Variants in CTNNA2 observed in about 807,000 individuals in gnomAD.
The protein encoded by CTNNA2 is catenin alpha 2.
A neutral mutation model predicts 101.0 loss-of-function variants in CTNNA2; 42 were observed. The observed-to-expected ratio is 0.42, with a 90% CI of 0.32 to 0.54. The LOEUF is 0.54. Ranked by LOEUF, CTNNA2 falls within the 20% of genes least tolerant of loss-of-function variation. The probability of loss-of-function intolerance (pLI) is 0.14; values close to 1 mark genes in which losing one functional copy is unlikely to be tolerated. For synonymous variants in CTNNA2, 450 were observed against 456.4 expected, an observed-to-expected ratio of 0.99 and a Z score of 0.18; for missense variants, 871 against 1,223.1, an observed-to-expected ratio of 0.71 and a Z score of 4.29.
At chr2:80,122,981 A>G (rs1314882806) in intron 7 of CTNNA2, among the ~76,000 whole-genome samples, 1 of 152,166 alleles carries the variant, frequency 6.6e-6, no homozygotes, top group East Asian at 1.9e-4. Context: ...AAAACTCATC[A>G]GCTTCAAATG....
At position 79,631,304 on chromosome 2, in the gene CTNNA2, G is replaced by T. The variant is rs530120821; in HGVS notation, c.-5-20248G>T. On this transcript the variant is annotated intron_variant, in intron 1 of 18. Coordinates refer to ENST00000402739, the MANE Select transcript of CTNNA2 (RefSeq NM_001282597.3). ...AATCTCTCTGCCAGAGATTTGCTCT[G>T]TAGAATCAGTGCTCTCTGTATACCC... Among the ~76,000 whole-genome samples the T allele has an allele frequency of 7.2e-5, 11 of 152,266 alleles. 1 individual carries two copies. The highest frequency in any genetic ancestry group is 2.6e-4 in the African/African-American group (11 of 41,550).
intron 7 of CTNNA2, among the ~76,000 whole-genome samples, chr2:80,361,537 A>G (rs1322903283): frequency 6.6e-6 from 1 of 152,130 alleles, no homozygotes. Context: ...CTAAGACAAC[A>G]CATCAGTAGT....
intron 3 of CTNNA2, among the ~76,000 whole-genome samples, chr2:79,806,813 A>C (rs1307853654): frequency 6.6e-6 from 1 of 152,012 alleles, no homozygotes; most frequent in Non-Finnish European, 1.5e-5. Flanking sequence ...AGTTGAGATC[A>C]TATTTTCATT....
chr2:80,540,903 C>T (rs1691496512), intron 9 of CTNNA2, among the ~76,000 whole-genome samples: 1 of 152,058 alleles, frequency 6.6e-6, no homozygotes, highest in South Asian at 2.1e-4. Flanking sequence ...GCCACATTTC[C>T]CAGGCTGGTC....
intron 17 of CTNNA2, among the ~76,000 whole-genome samples, chr2:80,610,127 T>C (rs1424466475): frequency 6.6e-6 from 1 of 151,732 alleles, no homozygotes; most frequent in Non-Finnish European, 1.5e-5. Context: ...TTATAAATAT[T>C]TGCTATATAT....
chr2:79,340,713 A>T (rs543947678), intron 3 of CTNNA2, among the ~76,000 whole-genome samples: 1 of 151,742 alleles, frequency 6.6e-6, no homozygotes, highest in South Asian at 2.1e-4. Context: ...AGGCGCCTGT[A>T]GTCCCAGCTA....
At chr2:79,514,589 T>G (rs1671708500) in intron 1 of CTNNA2, 1 of 152,258 alleles carries the variant, frequency 6.6e-6, no homozygotes. Flanking sequence ...AATTTGACAA[T>G]TCTTTCTGTT....
intron 7 of CTNNA2, among the ~76,000 whole-genome samples, chr2:80,109,095 A>C (rs1701057155): frequency 6.6e-6 from 1 of 152,230 alleles, no homozygotes; most frequent in Admixed American, 6.5e-5. Context: ...AGTCCAAGTG[A>C]GCCCCAGTTT....
chr2:80,099,050 C>A (rs1158190212), intron 7 of CTNNA2, among the ~76,000 whole-genome samples: 2 of 151,928 alleles, frequency 1.3e-5, no homozygotes, highest in Non-Finnish European at 2.9e-5. Flanking sequence ...TGAGATGAAC[C>A]CGGTACCTCA....
intron 12 of CTNNA2, among the ~76,000 whole-genome samples, chr2:80,571,842 C>T (rs954521113): frequency 2.0e-5 from 3 of 152,144 alleles, no homozygotes; most frequent in African/African-American, 4.8e-5. Flanking sequence ...GTAGACAGAG[C>T]TCCCTTAAAG....
chr2:80,349,623 C>T (rs959267702), intron 7 of CTNNA2, among the ~76,000 whole-genome samples: 4 of 152,068 alleles, frequency 2.6e-5, no homozygotes, highest in Admixed American at 2.0e-4. Flanking sequence ...CACTGCCTCC[C>T]ACTTTATTTT....
intron 3 of CTNNA2, among the ~76,000 whole-genome samples, chr2:79,805,761 C>T (rs1676522096): frequency 6.6e-6 from 1 of 151,868 alleles, no homozygotes; most frequent in African/African-American, 2.4e-5. Flanking sequence ...CACAGTGAAA[C>T]CCCGTTTCTA....
intron 8 of CTNNA2, among the ~76,000 whole-genome samples, chr2:80,410,815 C>A (rs1679501354): frequency 6.6e-6 from 1 of 152,150 alleles, no homozygotes; most frequent in Non-Finnish European, 1.5e-5. Context: ...TCAAGATGTC[C>A]CTGGTCCTGG....
chr2:79,564,524 GGCTTACGCATTCTTA>G (rs1292599749), intron 1 of CTNNA2, among the ~76,000 whole-genome samples: 2 of 151,946 alleles, frequency 1.3e-5, no homozygotes, highest in Non-Finnish European at 2.9e-5. Context: ...AAATGGAGGG[GGCTTACGCATTCTTA>G]GCTTATTTTA....
chr2:79,935,218 A>G (rs996486367), intron 7 of CTNNA2, among the ~76,000 whole-genome samples: 5 of 152,126 alleles, frequency 3.3e-5, no homozygotes, highest in African/African-American at 4.8e-5. Flanking sequence ...AGGGAAGAAC[A>G]CTATTGTCTT....
At chr2:80,339,355 G>T (rs987750641) in intron 7 of CTNNA2, among the ~76,000 whole-genome samples, 2 of 152,042 alleles carry the variant, frequency 1.3e-5, no homozygotes, top group Admixed American at 1.3e-4. Context: ...TATTAATGAG[G>T]TCTATGCCAA....
At chr2:79,873,994 G>C in intron 5 of CTNNA2, 82 bp from the exon 6 acceptor site, 6 of 1,549,392 alleles carry the variant, frequency 3.9e-6, no homozygotes, top group South Asian at 2.5e-5. Context: ...GTGTTACTAA[G>C]AGTCTGTGAC....
At chr2:79,600,037 A>G (rs1451144974) in intron 1 of CTNNA2, among the ~76,000 whole-genome samples, 1 of 152,222 alleles carries the variant, frequency 6.6e-6, no homozygotes, top group Non-Finnish European at 1.5e-5. Flanking sequence ...AGATTAGGCT[A>G]ATTTTCTGTT....
intron 1 of CTNNA2, among the ~76,000 whole-genome samples, chr2:79,582,156 C>T (rs12470592): frequency 0.069 from 10,442 of 152,212 alleles, 497 homozygotes; most frequent in East Asian, 0.2. Context: ...AGAATGCCTC[C>T]GTGTGTAAAA....
Sources: gnomAD v4.1 joint callset for allele counts (sites outside exome capture counted in the v4.1 genomes callset) on GRCh38, gnomAD v4.1.1 for gene constraint, MANE v1.5 for transcripts, NCBI Gene and HGNC (gene_info 2026-07-23, HGNC 2026-07-21) for gene names.